Variants in INPP4B observed in about 807,000 individuals in gnomAD.
INPP4B encodes the protein inositol polyphosphate-4-phosphatase type II B.
INPP4B carries 55 observed loss-of-function variants against 122.5 expected under a neutral mutation model. The ratio of observed to expected loss-of-function variants is 0.45; its 90% CI spans 0.36 to 0.56. INPP4B has a LOEUF of 0.56. Among genes scored for constraint, INPP4B ranks in the 20% least tolerant of loss-of-function variants. INPP4B has a pLI of 0.00. For missense variants in INPP4B, 1,000 were observed against 1,097.7 expected, an observed-to-expected ratio of 0.91 and a Z score of 1.26; for synonymous variants, 403 against 388.7, an observed-to-expected ratio of 1.04 and a Z score of -0.43.
intron 1 of INPP4B, among the ~76,000 whole-genome samples, chr4:142,821,217 G>T (rs762758472): frequency 3.9e-5 from 6 of 151,994 alleles, no homozygotes; most frequent in Non-Finnish European, 8.8e-5. Flanking sequence ...CTTCACTGAA[G>T]ATATACTATT....
At chr4:142,582,597 T>C (rs1735340890) in intron 2 of INPP4B, among the ~76,000 whole-genome samples, 1 of 152,116 alleles carries the variant, frequency 6.6e-6, no homozygotes, top group Admixed American at 6.6e-5. Context: ...AGCAGCTTAA[T>C]CAATCTATAA....
chr4:142,398,401 AATATATATATATATATATAT>A (rs1206023677), intron 7 of INPP4B, among the ~76,000 whole-genome samples: 57 of 28,458 alleles, frequency 2.0e-3, no homozygotes, highest in African/African-American at 2.6e-3. Flanking sequence ...AAAAAAAAAA[AATATATATATATATATATAT>A]ATATATATAT....
At chr4:142,374,305 G>A (rs1372528617) in intron 7 of INPP4B, among the ~76,000 whole-genome samples, 1 of 151,898 alleles carries the variant, frequency 6.6e-6, no homozygotes, top group Non-Finnish European at 1.5e-5. Flanking sequence ...TAACCACATA[G>A]AGGCCATTGT....
intron 11 of INPP4B, among the ~76,000 whole-genome samples, chr4:142,254,873 G>A (rs1465006302): frequency 2.6e-5 from 4 of 151,900 alleles, no homozygotes; most frequent in South Asian, 4.2e-4. Context: ...GATACTCCTC[G>A]AGAAGAGCAA....
In INPP4B at chr4:142,182,558, AACAAAC is replaced by A. The variant is rs1319058100; in HGVS notation, c.1182-8755_1182-8750del. Among the ~76,000 whole-genome samples the A allele has an allele frequency of 1.7e-3, 51 of 29,978 alleles. 14 individuals carry two copies. Among genetic ancestry groups the A allele is most frequent in the Non-Finnish European group, 5.3e-3 (18 of 3,400 alleles). The allele number at this position is 29,978 out of a possible 152,430, so 19.7% of individuals were successfully genotyped here. On this transcript the variant is annotated intron_variant, in intron 15 of 25. Transcript: ENST00000262992. ...CGAGACTCTGTCTCAAAAAAAAAAAAACAAACAAAAAAAAGATTCTTAATGTGAAAA... is the reference window on the plus strand; with the variant it reads ...CGAGACTCTGTCTCAAAAAAAAAAAAAAAAAAAAGATTCTTAATGTGAAAA...
intron 11 of INPP4B, among the ~76,000 whole-genome samples, chr4:142,259,209 TGGGGGGA>T: frequency 1.7e-5 from 1 of 58,076 alleles, no homozygotes; most frequent in African/African-American, 7.0e-5. Flanking sequence ...TGTTGTGGGG[TGGGGGGA>T]GGGGGGAGGG....
chr4:142,333,125 C>T (rs1205430881), intron 7 of INPP4B, among the ~76,000 whole-genome samples: 7 of 152,242 alleles, frequency 4.6e-5, no homozygotes, highest in East Asian at 3.9e-4. Context: ...GGACCCACTC[C>T]GATCACAGGT....
At chr4:142,188,379 C>G (rs978546300) in intron 15 of INPP4B, among the ~76,000 whole-genome samples, 1 of 147,830 alleles carries the variant, frequency 6.8e-6, no homozygotes, top group East Asian at 2.1e-4. Context: ...CCCAGCTACT[C>G]GGGAGGCTGA....
chr4:142,348,763 C>T (rs1039044358), intron 7 of INPP4B, among the ~76,000 whole-genome samples: 2 of 152,026 alleles, frequency 1.3e-5, no homozygotes, highest in Admixed American at 1.3e-4. Context: ...CCCTCTATAG[C>T]CACAGAAGGT....
chr4:142,765,820 G>C (rs1772031649), intron 1 of INPP4B: 1 of 146,322 alleles, frequency 6.8e-6, no homozygotes, highest in Non-Finnish European at 1.5e-5. Context: ...ACTTGTGCAA[G>C]AAACTCAGCA....
chr4:142,084,493 GAAAAT>G (rs1475387762), intron 24 of INPP4B, among the ~76,000 whole-genome samples: 4 of 151,880 alleles, frequency 2.6e-5, no homozygotes, highest in African/African-American at 7.3e-5. Context: ...TAAAAGAAAG[GAAAAT>G]AAAATAAAAA....
At chr4:142,152,275 C>T (rs1814575228) in intron 17 of INPP4B, among the ~76,000 whole-genome samples, 2 of 151,756 alleles carry the variant, frequency 1.3e-5, no homozygotes, top group South Asian at 4.2e-4. Flanking sequence ...CGGAGTTTCA[C>T]CGTGTTAGCC....
intron 2 of INPP4B, among the ~76,000 whole-genome samples, chr4:142,544,821 TCTGAATTGTTA>T (rs1371416195): frequency 6.6e-6 from 1 of 152,174 alleles, no homozygotes; most frequent in African/African-American, 2.4e-5. Context: ...CAACCTATTT[TCTGAATTGTTA>T]CTGTATTTTG....
At chr4:142,195,493 G>A (rs914028552) in intron 14 of INPP4B, among the ~76,000 whole-genome samples, 2 of 152,130 alleles carry the variant, frequency 1.3e-5, no homozygotes, top group African/African-American at 2.4e-5. Context: ...TAGACTTGAT[G>A]GATTTGTCTG....
Position 142,023,192 on chromosome 4 carries a change from T to C in INPP4B, c.*5590A>G, listed in dbSNP as rs1736003204. ...TAAAAATCATTTATTTAAACAAAAA[T>C]ATACACACAGTGTACAATGAATATG... On this transcript the variant is annotated 3_prime_UTR_variant, in exon 26 of 26. Coordinates refer to ENST00000262992, the MANE Select transcript of INPP4B (RefSeq NM_001101669.3). 6.6e-6 allele frequency: 1 copy of C among 151,996 alleles called. No individual in the cohort carries two copies. Among genetic ancestry groups the C allele is most frequent in the Non-Finnish European group, 1.5e-5 (1 of 67,976 alleles). The allele number at this position is 151,996 out of a possible 1,614,324, so 9.4% of individuals were successfully genotyped here.
intron 2 of INPP4B, among the ~76,000 whole-genome samples, chr4:142,536,105 A>G (rs185300519): frequency 6.6e-6 from 1 of 152,350 alleles, no homozygotes; most frequent in East Asian, 1.9e-4. Flanking sequence ...TCATCACTAT[A>G]TAATCATAGC....
At chr4:142,709,643 C>T (rs1008602074) in intron 2 of INPP4B, among the ~76,000 whole-genome samples, 2 of 152,310 alleles carry the variant, frequency 1.3e-5, no homozygotes, top group East Asian at 1.9e-4. Flanking sequence ...TTTCCTGAGG[C>T]CTCCCTGGCC....
intron 7 of INPP4B, among the ~76,000 whole-genome samples, chr4:142,384,521 A>T (rs775904917): frequency 1.3e-5 from 2 of 152,178 alleles, no homozygotes; most frequent in Non-Finnish European, 2.9e-5. Flanking sequence ...ATCTAAACAT[A>T]TCTAAACACA....
At chr4:142,763,216 A>G (rs1256904546) in intron 1 of INPP4B, among the ~76,000 whole-genome samples, 1 of 152,162 alleles carries the variant, frequency 6.6e-6, no homozygotes, top group Non-Finnish European at 1.5e-5. Context: ...TCAATCTTAA[A>G]TGATATTGTG....
Sources: gnomAD v4.1 joint callset for allele counts (sites outside exome capture counted in the v4.1 genomes callset) on GRCh38, gnomAD v4.1.1 for gene constraint, MANE v1.5 for transcripts, NCBI Gene and HGNC (gene_info 2026-07-23, HGNC 2026-07-21) for gene names.